TENM4: variants seen among roughly 807,000 people sequenced by gnomAD.
TENM4 encodes the protein teneurin transmembrane protein 4, also known as teneurin-4.
A neutral mutation model predicts 243.3 loss-of-function variants in TENM4; 82 were observed. The ratio of observed to expected loss-of-function variants is 0.34; its 90% CI spans 0.28 to 0.40. The LOEUF (loss-of-function observed/expected upper bound fraction) is 0.40. Among genes scored for constraint, TENM4 ranks in the 10% least tolerant of loss-of-function variants. The pLI is 1.00. For synonymous variants in TENM4, 1,412 were observed against 1,456.3 expected (o/e 0.97, Z 0.69); for missense variants, 3,138 against 3,673.3 (o/e 0.85, Z 3.77).
intron 9 of TENM4, among the ~76,000 whole-genome samples, chr11:78,873,638 C>G (rs969923216): frequency 1.3e-5 from 2 of 152,140 alleles, no homozygotes; most frequent in African/African-American, 4.8e-5. Context: ...ACAAAGAAAC[C>G]AACATTGCCA....
At chr11:78,945,214 A>AT (rs1856983510) in intron 6 of TENM4, among the ~76,000 whole-genome samples, 1 of 152,216 alleles carries the variant, frequency 6.6e-6, no homozygotes, top group Non-Finnish European at 1.5e-5. Flanking sequence ...AAGCAAGCCC[A>AT]TTGGTGCCAT....
intron 1 of TENM4, among the ~76,000 whole-genome samples, chr11:79,421,513 G>T (rs1858930394): frequency 6.6e-6 from 1 of 152,114 alleles, no homozygotes; most frequent in Admixed American, 6.5e-5. Flanking sequence ...TTTGAAATAA[G>T]TGTTCCTAGC....
At chr11:79,238,075 G>A (rs977975819) in intron 2 of TENM4, among the ~76,000 whole-genome samples, 1 of 152,152 alleles carries the variant, frequency 6.6e-6, no homozygotes, top group Non-Finnish European at 1.5e-5. Context: ...CAATTAAGCT[G>A]GGAGCACTGC....
chr11:78,781,462 G>A (rs1856835702), intron 16 of TENM4, among the ~76,000 whole-genome samples: 1 of 152,206 alleles, frequency 6.6e-6, no homozygotes, highest in Non-Finnish European at 1.5e-5. Context: ...GCTACAGACT[G>A]AGCTTTTGGC....
In TENM4 at chr11:79,069,676, C is replaced by T; in HGVS notation, c.223+46G>A. ...CACCCGAGCCCATGCCTACCTGAGC[C>T]AAGCTCACCTGCGCCTGAGGCCCGC... On this transcript the variant is annotated intron_variant, in intron 5 of 33. Coordinates refer to ENST00000278550, the MANE Select transcript of TENM4 (RefSeq NM_001098816.3). 2.6e-6 allele frequency: 4 copies of T among 1,517,158 alleles called. No homozygotes were observed. In the South Asian group the frequency reaches 4.9e-5, roughly 19 times the overall value. The allele number at this position is 1,517,158 out of a possible 1,614,324, so 94.0% of individuals were successfully genotyped here.
chr11:78,782,763 C>CT lies in TENM4; in HGVS notation c.2365+4134dup, dbSNP rs761549007. Among the ~76,000 whole-genome samples the CT allele has an allele frequency of 5.4e-3, 492 of 91,560 alleles. 3 individuals carry two copies. The highest frequency in any genetic ancestry group is 0.023 in the Middle Eastern group (4 of 174). The allele number at this position is 91,560 out of a possible 152,430, so 60.1% of individuals were successfully genotyped here. On this transcript the variant is annotated intron_variant, in intron 16 of 33. Coordinates refer to ENST00000278550, the MANE Select transcript of TENM4 (RefSeq NM_001098816.3). ...CATGCGCAACAGAGTGAGACTCTGT[C>CT]TTTTTTTTTAAAAAAAAAAAAACTG...
intron 23 of TENM4, among the ~76,000 whole-genome samples, chr11:78,725,460 G>A (rs890992362): frequency 6.6e-6 from 1 of 152,196 alleles, no homozygotes; most frequent in African/African-American, 2.4e-5. Flanking sequence ...AGTCCCTGCA[G>A]AGGCTTGACA....
At chr11:78,771,439 C>T (rs1279597416) in intron 17 of TENM4, among the ~76,000 whole-genome samples, 10 of 152,302 alleles carry the variant, frequency 6.6e-5, no homozygotes, top group Admixed American at 2.0e-4. Context: ...ATTCTGGAGC[C>T]GGAGTCAGTG....
At chr11:78,936,888 G>A (rs1565134110) in intron 6 of TENM4, among the ~76,000 whole-genome samples, 1 of 152,012 alleles carries the variant, frequency 6.6e-6, no homozygotes, top group Non-Finnish European at 1.5e-5. Context: ...ATCAAGGTGG[G>A]GTTCACTTAT....
chr11:79,214,148 C>T (rs998664997), intron 3 of TENM4, among the ~76,000 whole-genome samples: 6 of 152,044 alleles, frequency 3.9e-5, no homozygotes, highest in Admixed American at 3.3e-4. Context: ...CCTGCCACCA[C>T]GCCTGGCTAA....
intron 6 of TENM4, among the ~76,000 whole-genome samples, chr11:78,910,785 C>T (rs757242673): frequency 2.6e-5 from 4 of 152,298 alleles, no homozygotes; most frequent in East Asian, 1.9e-4. Context: ...TCTGCCTATT[C>T]ACTCCTTCTC....
intron 12 of TENM4, among the ~76,000 whole-genome samples, chr11:78,817,155 T>C (rs893215689): frequency 6.6e-6 from 1 of 152,170 alleles, no homozygotes; most frequent in Non-Finnish European, 1.5e-5. Flanking sequence ...GGGGCAAAAT[T>C]AGCAGAGGGA....
At chr11:78,892,988 C>T (rs1053795012) in intron 7 of TENM4, among the ~76,000 whole-genome samples, 1 of 152,212 alleles carries the variant, frequency 6.6e-6, no homozygotes, top group Non-Finnish European at 1.5e-5. Context: ...ATCTGGAAAT[C>T]CCCTTTCGTT....
At chr11:79,202,907 C>T (rs1403925587) in intron 3 of TENM4, among the ~76,000 whole-genome samples, 1 of 152,180 alleles carries the variant, frequency 6.6e-6, no homozygotes, top group African/African-American at 2.4e-5. Context: ...AAATGGCATC[C>T]CACACTGTGC....
chr11:79,349,190 C>A (rs1336236046), intron 1 of TENM4, among the ~76,000 whole-genome samples: 1 of 152,172 alleles, frequency 6.6e-6, no homozygotes, highest in Non-Finnish European at 1.5e-5. Flanking sequence ...GAAATTGTCA[C>A]CCCATTTACC....
chr11:79,254,993 G>C (rs1471617835), intron 2 of TENM4, among the ~76,000 whole-genome samples: 1 of 152,168 alleles, frequency 6.6e-6, no homozygotes, highest in East Asian at 1.9e-4. Flanking sequence ...AGTTCTGGAA[G>C]GGCGTCATAT....
At chr11:78,828,908 C>A (rs139441980) in intron 12 of TENM4, among the ~76,000 whole-genome samples, 2 of 152,364 alleles carry the variant, frequency 1.3e-5, no homozygotes, top group Non-Finnish European at 2.9e-5. Context: ...TAGCTCCAGC[C>A]TGGGCCTGGC....
chr11:78,655,617 A>T lies in TENM4; in HGVS notation c.*2441T>A, dbSNP rs1196992566. 6.6e-6 allele frequency: 1 copy of T among 151,768 alleles called. No homozygotes were observed. Among genetic ancestry groups the T allele is most frequent in the African/African-American group, 2.4e-5 (1 of 41,222 alleles). 9.4% of individuals were successfully genotyped at this position (151,768 alleles called of 1,614,324 possible). A position where few individuals can be genotyped will look rare whatever the true frequency, so the allele number is the denominator to read the frequency against. ...TCCTTTGGGGAGGGGGCTGTGGAGGAGGGACAGGGCGTGGGGGAAGCGTAG... is the reference window on the plus strand; with the variant it reads ...TCCTTTGGGGAGGGGGCTGTGGAGGTGGGACAGGGCGTGGGGGAAGCGTAG... On this transcript the variant is annotated 3_prime_UTR_variant, in exon 34 of 34. Coordinates refer to ENST00000278550, the MANE Select transcript of TENM4 (RefSeq NM_001098816.3).
intron 4 of TENM4, among the ~76,000 whole-genome samples, chr11:79,111,588 C>T (rs1307064328): frequency 6.6e-6 from 1 of 152,040 alleles, no homozygotes; most frequent in Non-Finnish European, 1.5e-5. Context: ...AAAACAAAAC[C>T]CCTCTTTTTC....
Sources: allele counts gnomAD v4.1 joint callset (sites outside exome capture counted in the v4.1 genomes callset), GRCh38; gene constraint gnomAD v4.1.1; transcripts MANE v1.5; gene names NCBI Gene and HGNC (gene_info 2026-07-23, HGNC 2026-07-21).